Variants in ROBO1 observed in about 807,000 individuals in gnomAD.
ROBO1 encodes the protein roundabout guidance receptor 1.
A neutral mutation model predicts 195.9 loss-of-function variants in ROBO1; 149 were observed. That is an observed-to-expected ratio of 0.76 (90% CI 0.67 to 0.87). The LOEUF is 0.87. Among genes scored for constraint, ROBO1 ranks in the 40% least tolerant of loss-of-function variants. The pLI is 0.00. For synonymous variants in ROBO1, 816 were observed against 733.2 expected, an observed-to-expected ratio of 1.11 and a Z score of -1.82; for missense variants, 1,933 against 2,068.3, an observed-to-expected ratio of 0.93 and a Z score of 1.27.
At chr3:78,687,261 G>C (rs1038057066) in intron 9 of ROBO1, among the ~76,000 whole-genome samples, 2 of 152,122 alleles carry the variant, frequency 1.3e-5, no homozygotes, top group Admixed American at 6.6e-5. Context: ...AATTCTTCCT[G>C]TTCTATTGAA....
At chr3:79,763,580 G>A (rs1300615548) in intron 1 of ROBO1, among the ~76,000 whole-genome samples, 1 of 152,162 alleles carries the variant, frequency 6.6e-6, no homozygotes. Flanking sequence ...TGGAAAGGCA[G>A]AAAAGAACAA....
At chr3:78,843,140 CTA>C (rs1559914779) in intron 4 of ROBO1, among the ~76,000 whole-genome samples, 2 of 151,874 alleles carry the variant, frequency 1.3e-5, no homozygotes, top group African/African-American at 4.8e-5. Flanking sequence ...TTTTTTAAAA[CTA>C]GTAATTTGGG....
rs957340892 is a variant in ROBO1, at chr3:78,635,792, C to T, written c.3354G>A (p.Glu1118=). The change falls in exon 23 of 31, where the codon GAG becomes GAA. Residue 1118 remains glutamate (E), a synonymous_variant. Transcript: ENST00000464233. ...EVAPVQYNIV[E]QNKLNKDYRA... ...CTTCACCTTTGTTCAGCTTGTTTTG[C>T]TCCACGATGTTGTACTGAACTGGTG... The T allele has an allele frequency of 1.2e-6, 2 of 1,613,664 alleles. No homozygotes were observed. The highest frequency in any genetic ancestry group is 1.7e-6 in the Non-Finnish European group (2 of 1,179,700).
At chr3:79,245,757 A>T (rs1041896998) in intron 2 of ROBO1, among the ~76,000 whole-genome samples, 1 of 152,028 alleles carries the variant, frequency 6.6e-6, no homozygotes, top group African/African-American at 2.4e-5. Context: ...ATGCTTTATC[A>T]TGCCTAATGA....
intron 2 of ROBO1, among the ~76,000 whole-genome samples, chr3:79,501,203 T>C (rs1180436886): frequency 6.6e-6 from 1 of 152,208 alleles, no homozygotes; most frequent in Non-Finnish European, 1.5e-5. Context: ...GTTGCTGTTC[T>C]ATGGTTTTTG....
chr3:79,237,888 G>A (rs2082442703), intron 2 of ROBO1, among the ~76,000 whole-genome samples: 1 of 152,104 alleles, frequency 6.6e-6, no homozygotes, highest in Non-Finnish European at 1.5e-5. Context: ...GGAACACTCA[G>A]CAGCTCATAT....
intron 4 of ROBO1, among the ~76,000 whole-genome samples, chr3:78,869,099 T>A (rs1250160040): frequency 3.9e-5 from 6 of 152,176 alleles, no homozygotes; most frequent in African/African-American, 1.4e-4. Context: ...ATAGTTTTTT[T>A]TAAGAAACTT....
chr3:78,866,301 T>C (rs2035174875), intron 4 of ROBO1, among the ~76,000 whole-genome samples: 1 of 152,198 alleles, frequency 6.6e-6, no homozygotes, highest in Non-Finnish European at 1.5e-5. Context: ...TTATAAATAC[T>C]AATATTTGTG....
chr3:78,975,254 T>A (rs1219224727), intron 3 of ROBO1, among the ~76,000 whole-genome samples: 1 of 152,114 alleles, frequency 6.6e-6, no homozygotes, highest in Non-Finnish European at 1.5e-5. Context: ...TAAAAGCCAG[T>A]TAAGTGTACA....
chr3:79,021,610 A>G (rs1192047665), intron 3 of ROBO1, among the ~76,000 whole-genome samples: 1 of 149,372 alleles, frequency 6.7e-6, no homozygotes, highest in Non-Finnish European at 1.5e-5. Context: ...TCTCAACTTC[A>G]GTAAGCAACA....
At chr3:79,306,111 C>G (rs1000096336) in intron 2 of ROBO1, among the ~76,000 whole-genome samples, 17 of 152,068 alleles carry the variant, frequency 1.1e-4, no homozygotes, top group Non-Finnish European at 2.2e-4. Flanking sequence ...ATCTTTTGAA[C>G]AGCAAAATAT....
At chr3:79,160,345 G>T (rs993408865) in intron 2 of ROBO1, among the ~76,000 whole-genome samples, 2 of 151,370 alleles carry the variant, frequency 1.3e-5, no homozygotes, top group African/African-American at 4.9e-5. Context: ...TTTAAAGTTA[G>T]GCTTTCTTTA....
chr3:79,216,725 C>T (rs2082061192), intron 2 of ROBO1, among the ~76,000 whole-genome samples: 1 of 151,968 alleles, frequency 6.6e-6, no homozygotes, highest in Non-Finnish European at 1.5e-5. Flanking sequence ...AATAATCATT[C>T]ACCACTTTAA....
chr3:79,342,861 C>T (rs2034963350), intron 2 of ROBO1, among the ~76,000 whole-genome samples: 1 of 152,070 alleles, frequency 6.6e-6, no homozygotes, highest in African/African-American at 2.4e-5. Flanking sequence ...ACATCGTTAC[C>T]ACCAGAGTCC....
At chr3:79,760,236 CAAAAAAAAAAAAAAAA>C (rs11451206) in intron 1 of ROBO1, among the ~76,000 whole-genome samples, 48 of 4,514 alleles carry the variant, frequency 0.011, no homozygotes, top group African/African-American at 0.02. Context: ...GACCCTATCT[CAAAAAAAAAAAAAAAA>C]AAAAAAAAAA....
intron 10 of ROBO1, among the ~76,000 whole-genome samples, chr3:78,670,850 G>A (rs1182555166): frequency 6.6e-6 from 1 of 152,178 alleles, no homozygotes; most frequent in Non-Finnish European, 1.5e-5. Context: ...TGAGTTCCCT[G>A]TGTCTTTTTA....
At chr3:79,312,450 G>T (rs1246455880) in intron 2 of ROBO1, among the ~76,000 whole-genome samples, 3 of 152,194 alleles carry the variant, frequency 2.0e-5, no homozygotes, top group Non-Finnish European at 4.4e-5. Flanking sequence ...CCAGAGCCCA[G>T]AGCAACTACT....
intron 8 of ROBO1, among the ~76,000 whole-genome samples, chr3:78,711,780 C>T (rs570761859): frequency 9.9e-5 from 15 of 151,164 alleles, no homozygotes; most frequent in Non-Finnish European, 1.5e-4. Flanking sequence ...TGAGCCACCA[C>T]GCCCGGCCCC....
Position 79,125,535 on chromosome 3 carries a change from A to G in ROBO1, c.93T>C (p.Pro31=). 1.9e-6 allele frequency: 3 copies of G among 1,613,332 alleles called. No homozygotes were observed. Among genetic ancestry groups the G allele is most frequent in the Non-Finnish European group, 2.5e-6 (3 of 1,179,624 alleles). Residue 31 remains proline (P), a synonymous_variant, in exon 3 of 31, where the codon CCT becomes CCC. Transcript: ENST00000464233. ...GGTCGTTCCCCCTCTCTACATCTTC[A>G]GGGTCTGTCGGAAACAACACCAGAG... ...HLFLAQLIPD[P]EDVERGNDHG...
Sources: allele counts gnomAD v4.1 joint callset (sites outside exome capture counted in the v4.1 genomes callset), GRCh38; gene constraint gnomAD v4.1.1; transcripts MANE v1.5; gene names NCBI Gene and HGNC (gene_info 2026-07-23, HGNC 2026-07-21).